OSMR: variants seen among roughly 807,000 people sequenced by gnomAD.
The protein encoded by OSMR is oncostatin-M-specific receptor subunit beta.
Under a neutral mutation model 99.9 loss-of-function variants are expected in OSMR, and 81 were observed. The observed-to-expected ratio is 0.81, with a 90% CI of 0.68 to 0.97. The LOEUF (loss-of-function observed/expected upper bound fraction) is 0.97, where lower values mean the gene tolerates loss of function less well. Ranked by LOEUF, OSMR falls within the 50% of genes least tolerant of loss-of-function variation. OSMR has a pLI of 0.00. For missense variants in OSMR, 1,099 were observed against 1,153.4 expected (o/e 0.95, Z 0.68); for synonymous variants, 406 against 410.4 (o/e 0.99, Z 0.13).
chr5:38,925,557 A>G (rs1192402123), intron 15 of OSMR, among the ~76,000 whole-genome samples, 186 bp downstream of exon 15: 2 of 152,186 alleles, frequency 1.3e-5, no homozygotes, highest in African/African-American at 2.4e-5. Flanking sequence ...GACTCTCACT[A>G]TATAAAACAG....
rs114590940 is a variant in OSMR, at chr5:38,867,115, C to T, written c.-13-1917C>T. ...TCTAGCCAGCCATCTTGAAGTCCCT[C>T]CCTCAGTGTATTCTATTTGAAGTTT... On this transcript the variant is annotated intron_variant, in intron 1 of 17. Transcript: ENST00000274276. 9.7e-3 allele frequency among the ~76,000 whole-genome samples: 1,470 copies of T among 152,246 alleles called. 30 individuals carry two copies. Among genetic ancestry groups the T allele is most frequent in the African/African-American group, 0.033 (1,390 of 41,540 alleles).
intron 1 of OSMR, among the ~76,000 whole-genome samples, chr5:38,858,030 G>A (rs961052214): frequency 6.6e-6 from 1 of 152,216 alleles, no homozygotes; most frequent in African/African-American, 2.4e-5. Context: ...GGGGGTATAT[G>A]TGATATTTTG....
intron 7 of OSMR, among the ~76,000 whole-genome samples, chr5:38,893,875 C>T (rs570652011): frequency 3.9e-4 from 60 of 152,240 alleles, no homozygotes; most frequent in African/African-American, 1.4e-3. Context: ...CATATAGGCA[C>T]CAGATTGTTT....
At chr5:38,903,827 T>A in intron 7 of OSMR, 55 bp from the exon 8 acceptor site, 2 of 1,576,248 alleles carry the variant, frequency 1.3e-6, no homozygotes, top group Non-Finnish European at 1.7e-6. Flanking sequence ...CTATTACCAA[T>A]GTCTTTTTGG....
chr5:38,862,609 G>C (rs1163362824), intron 1 of OSMR, among the ~76,000 whole-genome samples: 2 of 151,112 alleles, frequency 1.3e-5, no homozygotes, highest in African/African-American at 4.9e-5. Context: ...ACCGGGTCGC[G>C]GCCAGGCAGA....
chr5:38,881,358 G>T (rs617938), intron 3 of OSMR: 347,747 of 369,936 alleles, frequency 0.94, 163,488 homozygotes, highest in South Asian at 0.96. Context: ...ATGAGTCCCC[G>T]GGAATTGGAA....
At chr5:38,940,640 T>A, downstream of OSMR, 1 of 232,966 alleles carries the variant, frequency 4.3e-6, no homozygotes, top group Non-Finnish European at 8.5e-6. Flanking sequence ...AGCCCTTATC[T>A]GCTTTGTTAT....
At chr5:38,915,630 C>G (rs546036557) in intron 9 of OSMR, among the ~76,000 whole-genome samples, 1 of 152,284 alleles carries the variant, frequency 6.6e-6, no homozygotes, top group South Asian at 2.1e-4. Context: ...GTGCTACTAA[C>G]TCTCTTAATT....
intron 1 of OSMR, among the ~76,000 whole-genome samples, chr5:38,850,019 A>G (rs1054302156): frequency 4.6e-5 from 7 of 152,220 alleles, no homozygotes; most frequent in African/African-American, 1.7e-4. Flanking sequence ...CCCTATTGGT[A>G]ATAGGAACCA....
intron 13 of OSMR, 109 bp downstream of exon 13, chr5:38,923,363 A>G: frequency 1.4e-6 from 1 of 714,850 alleles, no homozygotes; most frequent in Admixed American, 2.2e-5. Context: ...AACTTTTGGT[A>G]TCCCATTTAT....
chr5:38,900,046 C>G (rs1744793296), intron 7 of OSMR, among the ~76,000 whole-genome samples: 1 of 152,172 alleles, frequency 6.6e-6, no homozygotes, highest in African/African-American at 2.4e-5. Flanking sequence ...CCTTAGAGCA[C>G]TTCAGCCTAC....
chr5:38,883,900 T>TA lies in OSMR; in HGVS notation c.493dup (p.Thr165AsnfsTer7). 1.2e-6 allele frequency: 2 copies of TA among 1,613,686 alleles called. No individual in the cohort carries two copies. The highest frequency in any genetic ancestry group is 1.3e-5 in the African/African-American group (1 of 75,058). ...AGCTGGTGGAAGAAGGCACCAATGT[T>TA]ACCATTTGTTACGTTTCTAGGAACA... is the stretch of plus-strand genomic sequence containing the variant. On this transcript the variant is annotated frameshift_variant, in exon 5 of 18. Transcript: ENST00000274276. LOFTEE classifies it high-confidence loss of function.
In OSMR at chr5:38,921,491, AT is replaced by A; in HGVS notation, c.1586-122del. ...ATCCCCCACCCAAGCACCTGTAACTATTGAAGTGGAGGTCTGTTACCTACTA... is the reference window on the plus strand; with the variant it reads ...ATCCCCCACCCAAGCACCTGTAACTATGAAGTGGAGGTCTGTTACCTACTA... On this transcript the variant is annotated intron_variant, in intron 11 of 17. Coordinates refer to ENST00000274276, the MANE Select transcript of OSMR (RefSeq NM_003999.3). 3.3e-6 allele frequency: 5 copies of A among 1,535,390 alleles called. No homozygotes were observed. The South Asian group carries it at 6.1e-5, about 19-fold the overall frequency.
Position 38,883,952 on chromosome 5 carries a change from G to C in OSMR, c.544G>C (p.Glu182Gln). Residue 182 changes from glutamate to glutamine, a missense_variant, in exon 5 of 18, where the codon GAA becomes CAA. Physicochemically the swap from Glu to Gln is conservative, Grantham distance 29. Coordinates refer to ENST00000274276, the MANE Select transcript of OSMR (RefSeq NM_003999.3). ...NIQNNVSCYLEGKQIHGEQLD... is the reference protein window; with the variant it reads ...NIQNNVSCYLQGKQIHGEQLD... The stretch of plus-strand genomic sequence containing the variant: ...TCAAAATAATGTATCCTGTTATTTG[G>C]AAGGGAAACAGATTCATGGAGAACA... 1 of 1,613,982 alleles carries C rather than the reference G, an allele frequency of 6.2e-7. No individual in the cohort carries two copies. The highest frequency in any genetic ancestry group is 1.7e-4 in the Middle Eastern group (1 of 6,060).
At chr5:38,916,583 A>T (rs1745908987) in intron 9 of OSMR, among the ~76,000 whole-genome samples, 1 of 152,202 alleles carries the variant, frequency 6.6e-6, no homozygotes. Flanking sequence ...AGCTATTATT[A>T]TGTGTAAAAG....
In OSMR at chr5:38,863,134, G is replaced by A. The variant is rs554236800; in HGVS notation, c.-13-5898G>A. Among the ~76,000 whole-genome samples, 652 of 142,728 alleles carry A rather than the reference G, an allele frequency of 4.6e-3. 1 individual carries two copies. Among genetic ancestry groups the A allele is most frequent in the African/African-American group, 0.016 (628 of 38,606 alleles). The allele number at this position is 142,728 out of a possible 152,430, so 93.6% of individuals were successfully genotyped here. On this transcript the variant is annotated intron_variant, in intron 1 of 17. Transcript: ENST00000274276. ...CAGCAGTACAGTCCAGCTTCGGCTC[G>A]GCATCAGAGGGAGACCATGTAAAGA...
At chr5:38,942,992 G>A (rs2112786119) in intron 1 of OSMR, 1 of 1,565,220 alleles carries the variant, frequency 6.4e-7, no homozygotes, top group Non-Finnish European at 8.8e-7. Flanking sequence ...AGATTATGGT[G>A]TGATGAAAAC....
At chr5:38,876,872 T>C (rs1742881062) in intron 3 of OSMR, among the ~76,000 whole-genome samples, 1 of 152,186 alleles carries the variant, frequency 6.6e-6, no homozygotes, top group South Asian at 2.1e-4. Context: ...TGTTGGAGAG[T>C]AACTTCCTGT....
intron 9 of OSMR, among the ~76,000 whole-genome samples, chr5:38,913,562 A>T (rs13164940): frequency 0.16 from 24,653 of 151,518 alleles, 2,469 homozygotes; most frequent in Admixed American, 0.24. Context: ...AAAAAAAAAA[A>T]AAAATGGGTG....
Sources: allele counts gnomAD v4.1 joint callset (sites outside exome capture counted in the v4.1 genomes callset), GRCh38; gene constraint gnomAD v4.1.1; transcripts MANE v1.5; gene names NCBI Gene and HGNC (gene_info 2026-07-23, HGNC 2026-07-21).